KCNK6: variants seen among roughly 807,000 people sequenced by gnomAD.
KCNK6 encodes potassium two pore domain channel subfamily K member 6.
KCNK6 carries 20 observed loss-of-function variants against 21.9 expected under a neutral mutation model. That is an observed-to-expected ratio of 0.91 (90% confidence interval 0.64 to 1.32). The LOEUF is 1.32. KCNK6 is among the 40% of genes most tolerant of loss of function. The pLI is 0.00. For synonymous variants in KCNK6, 210 were observed against 218.0 expected, an observed-to-expected ratio of 0.96 and a Z score of 0.32; for missense variants, 415 against 433.1, an observed-to-expected ratio of 0.96 and a Z score of 0.37.
In KCNK6 at chr19:38,328,854, GAGAGAA is replaced by G; in HGVS notation, c.*1455_*1460del. On this transcript the variant is annotated 3_prime_UTR_variant, in exon 3 of 3. Coordinates refer to ENST00000263372, the MANE Select transcript of KCNK6 (RefSeq NM_004823.3). ...AGAGTGAGACCCTGTCTGAAAGAAA[GAGAGAA>G]AGAAAGAAAGAAAGAGAGAGAAAGA... 7.1e-6 allele frequency: 1 copy of G among 140,276 alleles called. No individual in the cohort carries two copies. Among genetic ancestry groups the G allele is most frequent in the East Asian group, 2.4e-4 (1 of 4,210 alleles). 8.7% of individuals were successfully genotyped at this position (140,276 alleles called of 1,614,324 possible). A position where few individuals can be genotyped will look rare whatever the true frequency, so the allele number is the denominator to read the frequency against.
At chr19:38,324,118 T>C (rs1416260473) in intron 1 of KCNK6, among the ~76,000 whole-genome samples, 1 of 151,592 alleles carries the variant, frequency 6.6e-6, no homozygotes, top group African/African-American at 2.4e-5. Context: ...TTTACAGAGA[T>C]AGGGTCTTGC....
rs1241438514 is a variant in KCNK6 at position 38,328,611 on chromosome 19, AGG to A, written c.*1209_*1210del. On this transcript the variant is annotated 3_prime_UTR_variant, in exon 3 of 3. Coordinates refer to ENST00000263372, the MANE Select transcript of KCNK6 (RefSeq NM_004823.3). ...ACCCAGCACTTTGGAAGGCTGAGGA[AGG>A]AGGATCGCTTGAGGCCAGGAGTTTG... 7.4e-6 allele frequency: 1 copy of A among 135,050 alleles called. No homozygotes were observed. The highest frequency in any genetic ancestry group is 3.7e-4 in the East Asian group (1 of 2,732). 8.4% of individuals were successfully genotyped at this position (135,050 alleles called of 1,614,324 possible). A position where few individuals can be genotyped will look rare whatever the true frequency, so the allele number is the denominator to read the frequency against.
At position 38,326,748 on chromosome 19, in the gene KCNK6, C is replaced by T. The variant is rs1448080531; in HGVS notation, c.478C>T (p.Arg160Cys). 1.7e-5 allele frequency: 28 copies of T among 1,604,402 alleles called. No individual in the cohort carries two copies. Among genetic ancestry groups the T allele is most frequent in the Non-Finnish European group, 2.3e-5 (27 of 1,179,956 alleles). The change falls in exon 2 of 3, where the codon CGT becomes TGT. Residue 160 changes from arginine (R) to cysteine (C), a missense_variant. Transcript: ENST00000263372. ...THVPLSWLSM[R>C]WGWDPRRAAC... ...CGTGCCCCTGTCTTGGCTGAGCATGCGTTGGGGCTGGGACCCCCGGCGGGC... is the reference window on the plus strand; with the variant it reads ...CGTGCCCCTGTCTTGGCTGAGCATGTGTTGGGGCTGGGACCCCCGGCGGGC...
intron 1 of KCNK6, among the ~76,000 whole-genome samples, chr19:38,321,461 C>A (rs1222385641): frequency 6.6e-6 from 1 of 152,252 alleles, no homozygotes; most frequent in Non-Finnish European, 1.5e-5. Context: ...AATTCAGCAG[C>A]CCCAGCTAGG....
rs185471613 is a variant in KCNK6 at position 38,325,328 on chromosome 19, G to A, written c.323-1265G>A. 24 of 839,738 alleles carry A rather than the reference G, an allele frequency of 2.9e-5. 1 individual carries two copies. The Admixed American group carries it at 7.4e-4, about 26-fold the overall frequency. 52.0% of individuals were successfully genotyped at this position (839,738 alleles called of 1,614,324 possible). ...GACGGGGTTTCACCATATTGGTCAG[G>A]CTAGTCTTGAACTCCTGACCTCATA... On this transcript the variant is annotated intron_variant, in intron 1 of 2. Transcript: ENST00000263372.
rs1314733025 is a variant in KCNK6 at position 38,320,142 on chromosome 19, G to A, written c.192G>A (p.Glu64=). The change falls in exon 1 of 3, where the codon GAG becomes GAA. Residue 64 remains glutamate (E), a synonymous_variant. Transcript: ENST00000263372. ...VAAPALDAFV[E]RVLAAGRLGR... is the part of the protein sequence containing the mutation. The stretch of plus-strand genomic sequence containing the variant: ...CCCCCGCCCTGGACGCCTTCGTGGA[G>A]CGAGTGCTGGCGGCCGGACGGCTGG... 1.9e-6 allele frequency: 3 copies of A among 1,592,960 alleles called. No individual in the cohort carries two copies. Among genetic ancestry groups the A allele is most frequent in the African/African-American group, 1.3e-5 (1 of 74,604 alleles).
At chr19:38,326,553 AAAG>A (rs766853833) in intron 1 of KCNK6, 37 bp from the exon 2 acceptor site, 7 of 1,547,040 alleles carry the variant, frequency 4.5e-6, no homozygotes, top group Non-Finnish European at 5.2e-6. Context: ...CCATCTCTAA[AAAG>A]AAAAAGATTT....
intron 1 of KCNK6, among the ~76,000 whole-genome samples, chr19:38,320,546 C>CTTTTTTTTTTTTTTT (rs35248793): frequency 6.9e-6 from 1 of 145,738 alleles, no homozygotes; most frequent in African/African-American, 2.5e-5. Context: ...GTTCCTCGGT[C>CTTTTTTTTTTTTTTT]TTTTTTTTTT....
At chr19:38,322,108 T>C (rs556893944) in intron 1 of KCNK6, among the ~76,000 whole-genome samples, 4 of 152,286 alleles carry the variant, frequency 2.6e-5, no homozygotes, top group Non-Finnish European at 4.4e-5. Context: ...TTTTTAGCCA[T>C]GGAAACCGAA....
In KCNK6 at chr19:38,327,461, G is replaced by A. The variant is rs1969725680; in HGVS notation, c.*58G>A. 4.7e-6 allele frequency: 7 copies of A among 1,501,212 alleles called. No homozygotes were observed. The highest frequency in any genetic ancestry group is 3.5e-5 in the South Asian group (3 of 86,264). The allele number at this position is 1,501,212 out of a possible 1,614,324, so 93.0% of individuals were successfully genotyped here. On this transcript the variant is annotated 3_prime_UTR_variant, in exon 3 of 3. Coordinates refer to ENST00000263372, the MANE Select transcript of KCNK6 (RefSeq NM_004823.3). ...TGGCCTGGGACTGAGGGGTCCAGGC[G>A]ACCAGAGCTGGCTGTACAGGAATGT...
chr19:38,327,544 C>G lies in KCNK6; in HGVS notation c.*141C>G. ...CCGTCCACCGTCTCTCCTTTGTTTC[C>G]CAGCATCTGGCTGGGATGTGAAGGG... On this transcript the variant is annotated 3_prime_UTR_variant, in exon 3 of 3. Transcript: ENST00000263372. 1.3e-6 allele frequency: 1 copy of G among 769,098 alleles called. No individual in the cohort carries two copies. The highest frequency in any genetic ancestry group is 2.1e-6 in the Non-Finnish European group (1 of 482,906). 47.6% of individuals were successfully genotyped at this position (769,098 alleles called of 1,614,324 possible).
At chr19:38,325,262 G>A (rs755473328) in intron 1 of KCNK6, 3 of 237,416 alleles carry the variant, frequency 1.3e-5, no homozygotes, top group African/African-American at 2.3e-5. Flanking sequence ...GACTATAGGC[G>A]TGAGCCACCA....
chr19:38,324,936 A>G (rs925590853), intron 1 of KCNK6: 4 of 151,950 alleles, frequency 2.6e-5, no homozygotes, highest in African/African-American at 7.3e-5. Flanking sequence ...TAAAATACAC[A>G]TAACATAAAA....
At chr19:38,323,791 A>G (rs922632933) in intron 1 of KCNK6, among the ~76,000 whole-genome samples, 6 of 152,138 alleles carry the variant, frequency 3.9e-5, no homozygotes, top group South Asian at 2.1e-4. Flanking sequence ...TGGTCTCCCT[A>G]TGTTGCTCAG....
In KCNK6 at chr19:38,327,395, C is replaced by T. The variant is rs186101876; in HGVS notation, c.934C>T (p.Pro312Ser). The T allele has an allele frequency of 9.5e-5, 152 of 1,607,992 alleles. 1 individual carries two copies. The Admixed American group carries it at 2.5e-3, about 26-fold the overall frequency. Residue 312 changes from proline (P) to serine (S), a missense_variant, in exon 3 of 3, where the codon CCC becomes TCC. By Grantham distance (74) the Pro-to-Ser change is moderately conservative (BLOSUM62 -1). Transcript: ENST00000263372. ...CTCCCACACCGACTACGCTTCCATC[C>T]CCAGGTAGCTGGGGCAGCCTCTGCC... ...ASSHTDYASI[P>S]R is the part of the protein sequence containing the mutation.
intron 2 of KCNK6, 36 bp downstream of exon 2, chr19:38,327,024 A>G: frequency 1.3e-6 from 2 of 1,574,374 alleles, no homozygotes; most frequent in South Asian, 2.3e-5. Flanking sequence ...TTTGAGGAGG[A>G]CCTAGCCCTG....
intron 1 of KCNK6, among the ~76,000 whole-genome samples, chr19:38,322,552 T>C (rs1409933313): frequency 6.6e-6 from 1 of 152,228 alleles, no homozygotes; most frequent in Non-Finnish European, 1.5e-5. Flanking sequence ...CGCAGTGGCT[T>C]ACGCCTATAA....
rs199726436 is a variant in KCNK6, at chr19:38,326,662, T to G, written c.392T>G (p.Val131Gly). Residue 131 changes from valine to glycine, a missense_variant, in exon 2 of 3, where the codon GTG (valine) becomes GGG (glycine). Physicochemically the swap from Val to Gly is moderately radical, Grantham distance 109. Transcript: ENST00000263372. ...AFSIAFALLG[V>G]PTTMLLLTAS... is the part of the protein sequence containing the mutation. ...TCCATCGCCTTTGCGCTCCTGGGCG[T>G]GCCGACCACCATGCTGCTGCTGACC... 6.2e-7 allele frequency: 1 copy of G among 1,609,044 alleles called. No homozygotes were observed. Among genetic ancestry groups the G allele is most frequent in the East Asian group, 2.2e-5 (1 of 44,878 alleles).
rs1449610582 is a variant in KCNK6 at position 38,331,499 on chromosome 19, C to T, written c.*4096C>T. On this transcript the variant is annotated 3_prime_UTR_variant, in exon 3 of 3. Transcript: ENST00000263372. ...AATTAGCTGGGTGCGGTGGCACGCA[C>T]CTGTGATCCCAGCTACTCGGGAGGC... The T allele has an allele frequency of 6.6e-6, 1 of 152,144 alleles. No individual in the cohort carries two copies. The highest frequency in any genetic ancestry group is 2.1e-4 in the South Asian group (1 of 4,820). The allele number at this position is 152,144 out of a possible 1,614,324, so 9.4% of individuals were successfully genotyped here. A position where few individuals can be genotyped will look rare whatever the true frequency, so the allele number is the denominator to read the frequency against.
Sources: allele counts gnomAD v4.1 joint callset (sites outside exome capture counted in the v4.1 genomes callset), GRCh38; gene constraint gnomAD v4.1.1; transcripts MANE v1.5; gene names NCBI Gene and HGNC (gene_info 2026-07-23, HGNC 2026-07-21).